The following CXCL13 variants were observed in gnomAD, a reference collection of about 807,000 sequenced individuals.
CXCL13 encodes the protein C-X-C motif chemokine 13.
Under a neutral mutation model 12.2 loss-of-function variants are expected in CXCL13, and 7 were observed. That is an observed-to-expected ratio of 0.57 (90% CI 0.33 to 1.07). The LOEUF (loss-of-function observed/expected upper bound fraction) is 1.07. Ranked by LOEUF, CXCL13 falls within the 50% of genes least tolerant of loss-of-function variation. CXCL13 has a pLI of 0.04. For synonymous variants in CXCL13, 47 were observed against 42.4 expected (o/e 1.11, Z -0.42); for missense variants, 113 against 127.4 (o/e 0.89, Z 0.55).
At chr4:77,522,251 T>G (rs1724620680) in intron 1 of CXCL13, among the ~76,000 whole-genome samples, 1 of 150,996 alleles carries the variant, frequency 6.6e-6, no homozygotes, top group African/African-American at 2.4e-5. Context: ...CCGAGTTCAA[T>G]TCCTGGATAT....
chr4:77,512,430 G>A (rs936871728), intron 1 of CXCL13, among the ~76,000 whole-genome samples: 6 of 152,192 alleles, frequency 3.9e-5, no homozygotes, highest in African/African-American at 1.2e-4. Flanking sequence ...GAATAATAAA[G>A]TAATTGTCTA....
chr4:77,522,435 A>T (rs1240276630), intron 1 of CXCL13, among the ~76,000 whole-genome samples: 1 of 140,936 alleles, frequency 7.1e-6, no homozygotes, highest in Non-Finnish European at 1.5e-5. Flanking sequence ...CTTATCCATT[A>T]TGTAATGGCC....
At chr4:77,567,077 A>T (rs1725957912) in intron 1 of CXCL13, among the ~76,000 whole-genome samples, 1 of 152,086 alleles carries the variant, frequency 6.6e-6, no homozygotes. Flanking sequence ...GTGACAATAC[A>T]CCCTCTCCAC....
chr4:77,607,156 G>T (rs1018834266), intron 1 of CXCL13, among the ~76,000 whole-genome samples: 5 of 152,052 alleles, frequency 3.3e-5, no homozygotes, highest in Admixed American at 3.3e-4. Flanking sequence ...TCATGTCCTC[G>T]GTTTTTATGT....
At chr4:77,517,813 A>G (rs1218720267) in intron 1 of CXCL13, among the ~76,000 whole-genome samples, 1 of 152,134 alleles carries the variant, frequency 6.6e-6, no homozygotes, top group African/African-American at 2.4e-5. Context: ...TTACATTTAA[A>G]GTTAATATTG....
chr4:77,516,998 T>C (rs1365470866), intron 1 of CXCL13, among the ~76,000 whole-genome samples: 2 of 152,210 alleles, frequency 1.3e-5, no homozygotes, highest in Non-Finnish European at 1.5e-5. Context: ...GAGATTCTGG[T>C]ATCTTGTGTC....
At chr4:77,552,045 C>T (rs1725537650) in intron 1 of CXCL13, among the ~76,000 whole-genome samples, 1 of 152,092 alleles carries the variant, frequency 6.6e-6, no homozygotes, top group African/African-American at 2.4e-5. Context: ...CATTGAACTT[C>T]CTAACAATCT....
At chr4:77,555,396 T>G (rs552665932) in intron 1 of CXCL13, among the ~76,000 whole-genome samples, 1 of 152,170 alleles carries the variant, frequency 6.6e-6, no homozygotes, top group African/African-American at 2.4e-5. Context: ...TTAAAGAAAT[T>G]TAATGTGCCA....
At chr4:77,512,385 G>T (rs1724297410) in intron 1 of CXCL13, among the ~76,000 whole-genome samples, 1 of 152,152 alleles carries the variant, frequency 6.6e-6, no homozygotes, top group Non-Finnish European at 1.5e-5. Context: ...GTTTGCTAGA[G>T]CTTCCATAGC....
chr4:77,581,899 C>T (rs1726342060), intron 1 of CXCL13, among the ~76,000 whole-genome samples: 1 of 152,178 alleles, frequency 6.6e-6, no homozygotes, highest in African/African-American at 2.4e-5. Context: ...TTGCCTCCTA[C>T]TCGTTGAACT....
chr4:77,529,100 A>G (rs1325854613), intron 1 of CXCL13, among the ~76,000 whole-genome samples: 1 of 152,052 alleles, frequency 6.6e-6, no homozygotes, highest in Non-Finnish European at 1.5e-5. Context: ...GATATGTGGT[A>G]TTATTTCTGA....
At chr4:77,572,553 G>A (rs563531268) in intron 1 of CXCL13, among the ~76,000 whole-genome samples, 1 of 151,840 alleles carries the variant, frequency 6.6e-6, no homozygotes, top group Admixed American at 6.5e-5. Flanking sequence ...TCTCACACCA[G>A]TCAGAATGGC....
intron 1 of CXCL13, among the ~76,000 whole-genome samples, chr4:77,550,793 G>T (rs144209778): frequency 1.3e-5 from 2 of 152,288 alleles, no homozygotes; most frequent in African/African-American, 4.8e-5. Context: ...GAATCTGGGT[G>T]CTCCAATGTT....
intron 1 of CXCL13, among the ~76,000 whole-genome samples, chr4:77,557,862 G>C (rs1159457054): frequency 1.3e-5 from 2 of 152,122 alleles, no homozygotes; most frequent in Admixed American, 6.5e-5. Context: ...TACTCACCCT[G>C]GTATGTGTAC....
chr4:77,611,138 C>A lies in CXCL13; in HGVS notation c.*99C>A. The A allele has an allele frequency of 9.8e-7, 1 of 1,017,454 alleles. No homozygotes were observed. Among genetic ancestry groups the A allele is most frequent in the Non-Finnish European group, 1.5e-6 (1 of 675,884 alleles). The allele number at this position is 1,017,454 out of a possible 1,614,324, so 63.0% of individuals were successfully genotyped here. A position where few individuals can be genotyped will look rare whatever the true frequency, so the allele number is the denominator to read the frequency against. ...AAATCTTTTCCAGGAAAAAGAACTT[C>A]CCCATACAAATAAGCATGAGACTAT... is the stretch of plus-strand genomic sequence containing the variant. On this transcript the variant is annotated 3_prime_UTR_variant, in exon 4 of 4. Transcript: ENST00000682537.
At chr4:77,527,539 G>A (rs1724797341) in intron 1 of CXCL13, among the ~76,000 whole-genome samples, 1 of 152,072 alleles carries the variant, frequency 6.6e-6, no homozygotes, top group Non-Finnish European at 1.5e-5. Context: ...GGCTGAGGTG[G>A]GAGGATCACT....
At chr4:77,545,108 C>T (rs746763668) in intron 1 of CXCL13, among the ~76,000 whole-genome samples, 2 of 152,010 alleles carry the variant, frequency 1.3e-5, no homozygotes, top group Non-Finnish European at 2.9e-5. Context: ...TGGTCTATAT[C>T]TCTGTTTTGG....
At chr4:77,514,998 G>C (rs1489241045) in intron 1 of CXCL13, among the ~76,000 whole-genome samples, 1 of 152,092 alleles carries the variant, frequency 6.6e-6, no homozygotes, top group Admixed American at 6.5e-5. Context: ...GTGTAAGGAA[G>C]GGATCCAGTT....
intron 1 of CXCL13, among the ~76,000 whole-genome samples, chr4:77,587,529 A>G (rs987811988): frequency 6.6e-6 from 1 of 152,184 alleles, no homozygotes; most frequent in African/African-American, 2.4e-5. Context: ...GGAGGGAGAG[A>G]CAGAATTGCT....
Sources: allele counts gnomAD v4.1 joint callset (sites outside exome capture counted in the v4.1 genomes callset), GRCh38; gene constraint gnomAD v4.1.1; transcripts MANE v1.5; gene names NCBI Gene and HGNC (gene_info 2026-07-23, HGNC 2026-07-21).